Variants in PCDH15 observed in about 807,000 individuals in gnomAD.
PCDH15 encodes protocadherin related 15.
A neutral mutation model predicts 178.5 loss-of-function variants in PCDH15; 129 were observed. The ratio of observed to expected loss-of-function variants is 0.72; its 90% CI spans 0.63 to 0.84. The LOEUF (loss-of-function observed/expected upper bound fraction) is 0.84. Among genes scored for constraint, PCDH15 ranks in the 40% least tolerant of loss-of-function variants. The pLI, the probability that PCDH15 is intolerant of heterozygous loss-of-function variation, is 0.00. For missense variants in PCDH15, 2,230 were observed against 2,099.9 expected (o/e 1.06, Z -1.21); for synonymous variants, 800 against 732.0 (o/e 1.09, Z -1.50).
At chr10:55,016,869 C>T (rs983184118) in intron 2 of PCDH15, among the ~76,000 whole-genome samples, 7 of 151,888 alleles carry the variant, frequency 4.6e-5, no homozygotes, top group African/African-American at 1.2e-4. Flanking sequence ...TAATAAACTC[C>T]TTCTAATCAT....
At chr10:54,831,587 A>G (rs903260633) in intron 3 of PCDH15, among the ~76,000 whole-genome samples, 19 of 152,304 alleles carry the variant, frequency 1.2e-4, no homozygotes, top group African/African-American at 4.3e-4. Flanking sequence ...TGGGAAATAC[A>G]ATGACTAGTT....
At chr10:55,131,466 G>A (rs1368591858) in intron 2 of PCDH15, among the ~76,000 whole-genome samples, 1 of 152,176 alleles carries the variant, frequency 6.6e-6, no homozygotes, top group Non-Finnish European at 1.5e-5. Flanking sequence ...GTGAGTGGCG[G>A]TGGAGGTATG....
At chr10:55,426,100 G>A (rs1838747952) in intron 2 of PCDH15, among the ~76,000 whole-genome samples, 1 of 152,100 alleles carries the variant, frequency 6.6e-6, no homozygotes, top group Non-Finnish European at 1.5e-5. Context: ...GTAGGTAATC[G>A]TGACATGAAG....
chr10:54,314,535 A>C (rs1345277380), intron 8 of PCDH15, among the ~76,000 whole-genome samples: 1 of 152,110 alleles, frequency 6.6e-6, no homozygotes, highest in Non-Finnish European at 1.5e-5. Context: ...ACTTTTTTAA[A>C]AAAAGAGTTA....
intron 2 of PCDH15, among the ~76,000 whole-genome samples, chr10:55,545,271 CTT>C (rs35082183): frequency 2.2e-4 from 31 of 140,970 alleles, no homozygotes; most frequent in Admixed American, 2.8e-4. Flanking sequence ...TGCTCAGTTC[CTT>C]TTTTTTTTTT....
At chr10:54,528,525 A>T (rs1016639185) in intron 2 of PCDH15, 1 of 644,428 alleles carries the variant, frequency 1.6e-6, no homozygotes, top group Non-Finnish European at 2.5e-6. Context: ...ATTATACAAT[A>T]ACATTATCTA....
chr10:54,061,647 G>C (rs895079741), intron 18 of PCDH15, among the ~76,000 whole-genome samples: 8 of 151,388 alleles, frequency 5.3e-5, no homozygotes, highest in African/African-American at 1.9e-4. Flanking sequence ...CTTTTTCCTT[G>C]CAGTAAAGAA....
At chr10:54,789,682 C>A (rs1445677660) in intron 1 of PCDH15, among the ~76,000 whole-genome samples, 3 of 151,926 alleles carry the variant, frequency 2.0e-5, no homozygotes, top group Non-Finnish European at 4.4e-5. Context: ...AATCATCCCA[C>A]AATCACCTTT....
intron 20 of PCDH15, among the ~76,000 whole-genome samples, chr10:54,003,721 T>G (rs1378758464): frequency 8.7e-6 from 1 of 115,488 alleles, no homozygotes; most frequent in Admixed American, 1.1e-4. Flanking sequence ...AATACTAATC[T>G]TACTCAAACT....
intron 2 of PCDH15, among the ~76,000 whole-genome samples, chr10:54,939,607 T>TC (rs768210122): frequency 9.2e-5 from 14 of 151,452 alleles, no homozygotes; most frequent in Non-Finnish European, 2.1e-4. Flanking sequence ...AGTCATAAAG[T>TC]CCCTTCTTTT....
chr10:55,283,914 G>T (rs1465843676), intron 1 of PCDH15, among the ~76,000 whole-genome samples: 6 of 152,034 alleles, frequency 3.9e-5, no homozygotes, highest in African/African-American at 7.2e-5. Context: ...CATCATTTTT[G>T]AATGTCTATT....
At chr10:55,221,860 ATTTT>A (rs1840884620) in intron 1 of PCDH15, among the ~76,000 whole-genome samples, 1 of 151,260 alleles carries the variant, frequency 6.6e-6, no homozygotes, top group African/African-American at 2.4e-5. Flanking sequence ...TAATTTATTT[ATTTT>A]TATCATTATT....
chr10:54,152,058 G>T (rs2044594507), intron 14 of PCDH15, among the ~76,000 whole-genome samples: 1 of 152,138 alleles, frequency 6.6e-6, no homozygotes, highest in Non-Finnish European at 1.5e-5. Context: ...GTTCATCATT[G>T]GATGAATATC....
intron 2 of PCDH15, among the ~76,000 whole-genome samples, chr10:55,113,565 C>T (rs998275575): frequency 6.6e-6 from 1 of 152,124 alleles, no homozygotes; most frequent in Non-Finnish European, 1.5e-5. Context: ...TTTCTCTAGC[C>T]TTAGCCTTGA....
Position 54,369,161 on chromosome 10 carries a change from G to T in PCDH15, c.433C>A (p.Pro145Thr), listed in dbSNP as rs769321076. Residue 145 changes from proline (P) to threonine (T), a missense_variant, in exon 5 of 38, where the codon CCC becomes ACC. Physicochemically the swap from Pro to Thr is conservative, Grantham distance 38. Transcript: ENST00000644397. ...IVVRDRNDNS[P>T]TFKHESYYAT... Reference sequence around the variant, plus strand: ...TAGTAGCTTTCATGCTTGAAAGTGGGTGAGTTGTCATTCCTGTCTCTCACC... The same window carrying T: ...TAGTAGCTTTCATGCTTGAAAGTGGTTGAGTTGTCATTCCTGTCTCTCACC... 1 of 1,612,956 alleles carries T rather than the reference G, an allele frequency of 6.2e-7. No individual in the cohort carries two copies. The highest frequency in any genetic ancestry group is 1.7e-5 in the Admixed American group (1 of 59,812).
chr10:54,744,482 G>C (rs1321689306), intron 1 of PCDH15, among the ~76,000 whole-genome samples: 7 of 151,920 alleles, frequency 4.6e-5, no homozygotes, highest in South Asian at 4.1e-4. Context: ...AATCAAGCAA[G>C]AACTAGATAC....
chr10:54,024,059 A>G (rs1211224733), intron 18 of PCDH15, among the ~76,000 whole-genome samples: 3 of 152,168 alleles, frequency 2.0e-5, no homozygotes, highest in Non-Finnish European at 4.4e-5. Flanking sequence ...ATAAGTAAGA[A>G]TGTTTGATAC....
intron 1 of PCDH15, among the ~76,000 whole-genome samples, chr10:55,289,630 A>G (rs1373319138): frequency 6.6e-6 from 1 of 152,100 alleles, no homozygotes; most frequent in Non-Finnish European, 1.5e-5. Context: ...CATTTTATAT[A>G]GGGATCCATA....
chr10:54,169,723 C>T (rs59934328), intron 13 of PCDH15, among the ~76,000 whole-genome samples: 112,255 of 150,982 alleles, frequency 0.74, 43,004 homozygotes, highest in Middle Eastern at 0.81. Context: ...CCTAATCACC[C>T]TTACCCCACT....
Sources: allele counts gnomAD v4.1 joint callset (sites outside exome capture counted in the v4.1 genomes callset), GRCh38; gene constraint gnomAD v4.1.1; transcripts MANE v1.5; gene names NCBI Gene and HGNC (gene_info 2026-07-23, HGNC 2026-07-21).